ZNF469: variants seen among roughly 807,000 people sequenced by gnomAD.
ZNF469 encodes the protein zinc finger protein 469.
In ZNF469, 1 loss-of-function variant was observed where a neutral mutation model predicts 1.0. The ratio of observed to expected loss-of-function variants is 1.00; its 90% CI spans 0.35 to 4.73. The LOEUF (loss-of-function observed/expected upper bound fraction) is 4.73. Ranked by LOEUF, ZNF469 falls within the 30% of genes most tolerant of loss-of-function variation. The pLI, the probability that ZNF469 is intolerant of heterozygous loss-of-function variation, is 0.16. For missense variants in ZNF469, 6,100 were observed against 5,356.3 expected, an observed-to-expected ratio of 1.14 and a Z score of -4.33; for synonymous variants, 2,703 against 2,363.4, an observed-to-expected ratio of 1.14 and a Z score of -4.17.
Position 88,429,625 on chromosome 16 carries a change from C to T in ZNF469, c.2155C>T (p.Leu719Phe). The change falls in exon 3 of 3, where the codon CTC becomes TTC. Residue 719 changes from leucine to phenylalanine, a missense_variant. By Grantham distance (22) the Leu-to-Phe change is conservative (BLOSUM62 0). Coordinates refer to ENST00000565624, the MANE Select transcript of ZNF469 (RefSeq NM_001367624.2). ...PPPYPTHHFS[L>F]SSASLDQLDV... Reference sequence around the variant, plus strand: ...TCCGTACCCCACACACCACTTCTCCCTCAGCAGCGCCAGCCTGGACCAGCT... The same window carrying T: ...TCCGTACCCCACACACCACTTCTCCTTCAGCAGCGCCAGCCTGGACCAGCT... 1 of 1,545,500 alleles carries T rather than the reference C, an allele frequency of 6.5e-7. No homozygotes were observed. Among genetic ancestry groups the T allele is most frequent in the Non-Finnish European group, 8.7e-7 (1 of 1,143,726 alleles).
chr16:88,283,795 C>A, the ZNF469 span, among the ~76,000 whole-genome samples: 5 of 151,868 alleles, frequency 3.3e-5, no homozygotes, highest in South Asian at 2.1e-4. Flanking sequence ...CTGGTAGACC[C>A]CCAGTGTGCC....
At chr16:88,344,407 CT>C in the ZNF469 span, among the ~76,000 whole-genome samples, 1 of 152,234 alleles carries the variant, frequency 6.6e-6, no homozygotes, top group Non-Finnish European at 1.5e-5. Context: ...TCCATGCTGT[CT>C]TTGCAACCTT....
At chr16:88,135,290 ACAT>A in the ZNF469 span, among the ~76,000 whole-genome samples, 2 of 152,260 alleles carry the variant, frequency 1.3e-5, no homozygotes, top group African/African-American at 2.4e-5. Flanking sequence ...TCTCTGGCAC[ACAT>A]CATTTGTCGT....
At chr16:88,327,553 TG>T in the ZNF469 span, among the ~76,000 whole-genome samples, 1,213 of 147,590 alleles carry the variant, frequency 8.2e-3, 13 homozygotes, top group African/African-American at 0.026. Flanking sequence ...ACGTTGGGGT[TG>T]GGGGGGGGTC....
At chr16:88,317,197 G>A in the ZNF469 span, among the ~76,000 whole-genome samples, 1 of 152,200 alleles carries the variant, frequency 6.6e-6, no homozygotes, top group Non-Finnish European at 1.5e-5. Context: ...CAGCTGTCAG[G>A]CAGGGTGGGG....
At chr16:88,311,929 C>T in the ZNF469 span, among the ~76,000 whole-genome samples, 31 of 152,222 alleles carry the variant, frequency 2.0e-4, no homozygotes, top group African/African-American at 6.8e-4. Context: ...TCCATTCTCA[C>T]ACTGCTGATG....
the ZNF469 span, among the ~76,000 whole-genome samples, chr16:88,264,835 A>G: frequency 6.6e-6 from 1 of 152,034 alleles, no homozygotes; most frequent in African/African-American, 2.4e-5. Context: ...CGCGCCAGGC[A>G]CAGGCGGTAC....
the ZNF469 span, among the ~76,000 whole-genome samples, chr16:88,324,016 G>T: frequency 5.3e-5 from 8 of 152,234 alleles, no homozygotes; most frequent in Admixed American, 5.2e-4. Flanking sequence ...GGTTGTCAGG[G>T]CCTGCGGGCA....
chr16:88,412,771 C>G (rs1331187129), intron 1 of ZNF469, among the ~76,000 whole-genome samples: 2 of 152,236 alleles, frequency 1.3e-5, no homozygotes, highest in African/African-American at 4.8e-5. Flanking sequence ...CGCTCACACA[C>G]CATAAACCAT....
the ZNF469 span, among the ~76,000 whole-genome samples, chr16:88,282,756 G>C: frequency 6.6e-6 from 1 of 152,204 alleles, no homozygotes; most frequent in South Asian, 2.1e-4. Context: ...GGTCATCCCT[G>C]TTACCAGAGC....
At chr16:88,293,673 G>A in the ZNF469 span, among the ~76,000 whole-genome samples, 3 of 152,146 alleles carry the variant, frequency 2.0e-5, no homozygotes, top group African/African-American at 7.2e-5. Flanking sequence ...ATTGGGGGGT[G>A]TATTTTCCCT....
upstream of ZNF469, among the ~76,000 whole-genome samples, chr16:88,377,965 G>T (rs1381087454): frequency 6.6e-6 from 1 of 152,148 alleles, no homozygotes; most frequent in East Asian, 1.9e-4. Context: ...CAGCGTGAGA[G>T]GAAGCCTGAC....
At chr16:88,201,936 C>T in the ZNF469 span, among the ~76,000 whole-genome samples, 3 of 152,172 alleles carry the variant, frequency 2.0e-5, no homozygotes, top group Admixed American at 2.0e-4. This position sits in a 1 kb window ranked among gnomAD's most constrained non-coding sequence, Gnocchi z 5.0. Context: ...TGGCCTGGGG[C>T]TCCCATGCGG....
the ZNF469 span, among the ~76,000 whole-genome samples, chr16:88,263,933 T>A: frequency 6.6e-6 from 1 of 152,064 alleles, no homozygotes; most frequent in African/African-American, 2.4e-5. Flanking sequence ...GACCCCAGGC[T>A]GGGCTGACCA....
At chr16:88,306,669 C>A in the ZNF469 span, among the ~76,000 whole-genome samples, 1 of 152,182 alleles carries the variant, frequency 6.6e-6, no homozygotes, top group Non-Finnish European at 1.5e-5. Context: ...AGCTCAGACG[C>A]CTCCAGGCCA....
At chr16:88,245,049 C>T in the ZNF469 span, among the ~76,000 whole-genome samples, 1,791 of 152,088 alleles carry the variant, frequency 0.012, 31 homozygotes, top group African/African-American at 0.04. Flanking sequence ...AGGACACACC[C>T]GTAGGGCAAA....
At chr16:88,255,277 C>T in the ZNF469 span, among the ~76,000 whole-genome samples, 1 of 152,306 alleles carries the variant, frequency 6.6e-6, no homozygotes, top group South Asian at 2.1e-4. Context: ...TGCCCAAACA[C>T]TTAGAATATA....
At chr16:88,388,436 C>T (rs912410549) in intron 1 of ZNF469, among the ~76,000 whole-genome samples, 6 of 150,542 alleles carry the variant, frequency 4.0e-5, no homozygotes, top group Admixed American at 1.3e-4. Flanking sequence ...AGAATGTGAC[C>T]GTTGGGAGCG....
the ZNF469 span, among the ~76,000 whole-genome samples, chr16:88,311,679 C>G: frequency 6.6e-6 from 1 of 152,160 alleles, no homozygotes; most frequent in African/African-American, 2.4e-5. Flanking sequence ...GTTGCAGAGA[C>G]AGTCCTAGTG....
Sources: allele counts gnomAD v4.1 joint callset (sites outside exome capture counted in the v4.1 genomes callset), GRCh38; gene constraint gnomAD v4.1.1; non-coding constraint Gnocchi (gnomAD v3.1); transcripts MANE v1.5; gene names NCBI Gene and HGNC (gene_info 2026-07-23, HGNC 2026-07-21).